The following PHYHD1 variants were observed in gnomAD, a reference collection of about 807,000 sequenced individuals.
The protein encoded by PHYHD1 is phytanoyl-CoA dioxygenase domain containing 1, also known as phytanoyl-CoA dioxygenase domain-containing protein 1.
Under a neutral mutation model 43.6 loss-of-function variants are expected in PHYHD1, and 42 were observed. The ratio of observed to expected loss-of-function variants is 0.96; its 90% CI spans 0.75 to 1.25. The LOEUF (loss-of-function observed/expected upper bound fraction) is 1.25, where lower values mean the gene tolerates loss of function less well. Among genes scored for constraint, PHYHD1 ranks in the 50% most tolerant of loss-of-function variants. The probability of loss-of-function intolerance (pLI) is 0.00; values close to 1 mark genes in which losing one functional copy is unlikely to be tolerated. For missense variants in PHYHD1, 342 were observed against 370.8 expected, an observed-to-expected ratio of 0.92 and a Z score of 0.64; for synonymous variants, 139 against 143.6, an observed-to-expected ratio of 0.97 and a Z score of 0.23.
chr9:128,933,429 A>C (rs1196242909), intron 4 of PHYHD1, among the ~76,000 whole-genome samples: 3 of 151,754 alleles, frequency 2.0e-5, no homozygotes, highest in Admixed American at 1.3e-4. Context: ...GTGAGTCGTT[A>C]CTCCCAGCCA....
chr9:128,939,197 T>A (rs1841494950), intron 9 of PHYHD1, among the ~76,000 whole-genome samples: 1 of 131,338 alleles, frequency 7.6e-6, no homozygotes, highest in South Asian at 2.5e-4. Flanking sequence ...GACAGCAACC[T>A]GTTTGTTCTG....
intron 9 of PHYHD1, among the ~76,000 whole-genome samples, chr9:128,939,365 G>C (rs1841499297): frequency 7.9e-6 from 1 of 126,986 alleles, no homozygotes; most frequent in African/African-American, 2.6e-5. Flanking sequence ...GATCACCTAA[G>C]GTCAGGAGTT....
chr9:128,933,733 C>G, intron 4 of PHYHD1, 49 bp from the exon 5 acceptor site: 1 of 1,584,362 alleles, frequency 6.3e-7, no homozygotes, highest in Non-Finnish European at 8.7e-7. Context: ...CCAGGCCCAG[C>G]TCTGACCCCA....
rs201447406 is a variant in PHYHD1 at position 128,941,721 on chromosome 9, C to T, written c.*8C>T. On this transcript the variant is annotated 3_prime_UTR_variant, in exon 13 of 13. Transcript: ENST00000372592. Reference sequence around the variant, plus strand: ...CCCCAACTGTACACCTAAAGGCTCTCGCAGGGCAGGAGCCCTCGCCCCTCC... The same window carrying T: ...CCCCAACTGTACACCTAAAGGCTCTTGCAGGGCAGGAGCCCTCGCCCCTCC... 3.1e-6 allele frequency: 5 copies of T among 1,614,162 alleles called. No individual in the cohort carries two copies. Among genetic ancestry groups the T allele is most frequent in the African/African-American group, 2.7e-5 (2 of 75,052 alleles).
intron 4 of PHYHD1, among the ~76,000 whole-genome samples, chr9:128,928,497 G>A (rs1014944391): frequency 3.9e-5 from 6 of 152,038 alleles, no homozygotes; most frequent in Non-Finnish European, 5.9e-5. Context: ...GAGGTCAGGA[G>A]TTTGAGACTA....
chr9:128,932,899 G>C (rs1221134436), intron 4 of PHYHD1, among the ~76,000 whole-genome samples: 1 of 151,346 alleles, frequency 6.6e-6, no homozygotes, highest in Admixed American at 6.6e-5. Flanking sequence ...CTAGGCCAGA[G>C]TGCAGTGGCC....
At chr9:128,931,673 C>T (rs1841280471) in intron 4 of PHYHD1, among the ~76,000 whole-genome samples, 2 of 152,064 alleles carry the variant, frequency 1.3e-5, no homozygotes, top group African/African-American at 2.4e-5. Context: ...TACAGGCGCC[C>T]GCCACCACAC....
Position 128,927,149 on chromosome 9 carries a change from T to C in PHYHD1, c.145T>C (p.Cys49Arg). ...GGCTGAAATGGATGTTCCTCTCCAC[T>C]GCCGCACAGAATTCTCCACCCAGGA... ...IVAEMDVPLH[C>R]RTEFSTQEEE... The change falls in exon 4 of 13, where the codon TGC becomes CGC. Residue 49 changes from cysteine to arginine, a missense_variant. Cys to Arg is a radical substitution (Grantham distance 180, BLOSUM62 -3). Coordinates refer to ENST00000372592, the MANE Select transcript of PHYHD1 (RefSeq NM_001100876.2). The C allele has an allele frequency of 6.2e-7, 1 of 1,614,122 alleles. No homozygotes were observed. Among genetic ancestry groups the C allele is most frequent in the Non-Finnish European group, 8.5e-7 (1 of 1,180,024 alleles).
intron 2 of PHYHD1, 21 bp downstream of exon 2, chr9:128,922,068 G>T: frequency 1.9e-6 from 1 of 524,624 alleles, no homozygotes; most frequent in South Asian, 2.6e-5. Flanking sequence ...GTGGGGGGTG[G>T]TTTCCAGAAG....
At chr9:128,937,432 G>C (rs1328586896) in intron 8 of PHYHD1, among the ~76,000 whole-genome samples, 1 of 152,096 alleles carries the variant, frequency 6.6e-6, no homozygotes, top group African/African-American at 2.4e-5. Context: ...AGGAAAGAAG[G>C]ACCCATCTGA....
intron 9 of PHYHD1, 144 bp from the exon 10 acceptor site, chr9:128,940,225 G>C: frequency 7.6e-7 from 1 of 1,315,172 alleles, no homozygotes; most frequent in Non-Finnish European, 1.0e-6. Flanking sequence ...TAGAGTCCTG[G>C]GCCAGGAAGT....
At chr9:128,924,360 G>A (rs1051597183) in intron 3 of PHYHD1, among the ~76,000 whole-genome samples, 6 of 152,174 alleles carry the variant, frequency 3.9e-5, no homozygotes, top group Admixed American at 2.6e-4. Flanking sequence ...GGAGCTTGCA[G>A]TGAGCTGAGA....
intron 8 of PHYHD1, among the ~76,000 whole-genome samples, chr9:128,937,412 A>G (rs966028914): frequency 1.3e-5 from 2 of 152,172 alleles, no homozygotes; most frequent in African/African-American, 4.8e-5. Context: ...GAAGCCTTCC[A>G]GAACCCCTGA....
intron 3 of PHYHD1, among the ~76,000 whole-genome samples, chr9:128,925,756 C>A (rs1049782479): frequency 2.6e-5 from 4 of 152,116 alleles, no homozygotes; most frequent in African/African-American, 9.7e-5. Context: ...CTCTTCCACC[C>A]CTCCCCTCAC....
At chr9:128,933,738 AC>A in intron 4 of PHYHD1, 43 bp from the exon 5 acceptor site, 2 of 1,591,858 alleles carry the variant, frequency 1.3e-6, no homozygotes, top group Non-Finnish European at 1.7e-6. Context: ...CCCAGCTCTG[AC>A]CCCAGGATGC....
chr9:128,927,030 G>A lies in PHYHD1; in HGVS notation c.34-8G>A. 6.2e-7 allele frequency: 1 copy of A among 1,614,144 alleles called. No individual in the cohort carries two copies. ...CTGGGGAAGCCTGAGTCTCAAGCCT[G>A]CCTGCAGTTCCAACAGGATGGATTC... On this transcript the variant is annotated splice_region_variant and splice_polypyrimidine_tract_variant and intron_variant, in intron 3 of 12. Coordinates refer to ENST00000372592, the MANE Select transcript of PHYHD1 (RefSeq NM_001100876.2).
chr9:128,939,863 C>T (rs1359091759), intron 9 of PHYHD1, among the ~76,000 whole-genome samples: 1 of 145,594 alleles, frequency 6.9e-6, no homozygotes, highest in Non-Finnish European at 1.5e-5. Flanking sequence ...CCATGTTGGC[C>T]AGGCTGGTCT....
intron 3 of PHYHD1, among the ~76,000 whole-genome samples, chr9:128,924,935 C>G (rs926486597): frequency 6.6e-6 from 1 of 151,412 alleles, no homozygotes; most frequent in Non-Finnish European, 1.5e-5. Flanking sequence ...GACTCCGTCT[C>G]AAAAAGAAAA....
rs560122685 is a variant in PHYHD1 at position 128,924,155 on chromosome 9, G to T, written c.33+1799G>T. ...AAACAGGCCGGGCGCAGTGGCTCAT[G>T]CCTGTAATCCTAGCACTTTGGGAGG... On this transcript the variant is annotated intron_variant, in intron 3 of 12. Coordinates refer to ENST00000372592, the MANE Select transcript of PHYHD1 (RefSeq NM_001100876.2). 2.6e-5 allele frequency among the ~76,000 whole-genome samples: 4 copies of T among 151,798 alleles called. No individual in the cohort carries two copies. The East Asian group carries it at 7.8e-4, about 30-fold the overall frequency.
Sources: allele counts gnomAD v4.1 joint callset (sites outside exome capture counted in the v4.1 genomes callset), GRCh38; gene constraint gnomAD v4.1.1; transcripts MANE v1.5; gene names NCBI Gene and HGNC (gene_info 2026-07-23, HGNC 2026-07-21).